INTS9: variants seen among roughly 807,000 people sequenced by gnomAD.
The protein encoded by INTS9 is protein related to CPSF subunits of 74 kDa.
INTS9 carries 55 observed loss-of-function variants against 79.7 expected under a neutral mutation model. The observed-to-expected ratio is 0.69, with a 90% confidence interval of 0.56 to 0.86. The LOEUF (loss-of-function observed/expected upper bound fraction) is 0.86, where lower values mean the gene tolerates loss of function less well. Among genes scored for constraint, INTS9 ranks in the 40% least tolerant of loss-of-function variants. The probability of loss-of-function intolerance (pLI) is 0.00; values close to 1 mark genes in which losing one functional copy is unlikely to be tolerated. For missense variants in INTS9, 721 were observed against 831.5 expected, an observed-to-expected ratio of 0.87 and a Z score of 1.64; for synonymous variants, 319 against 325.2, an observed-to-expected ratio of 0.98 and a Z score of 0.20.
At chr8:28,812,521 A>G (rs1307347169) in intron 7 of INTS9, 60 bp from the exon 8 acceptor site, 1 of 1,546,834 alleles carries the variant, frequency 6.5e-7, no homozygotes, top group African/African-American at 1.4e-5. Context: ...ACATGAGGTA[A>G]TTCTGCAGGG....
chr8:28,768,082 G>T lies in INTS9; in HGVS notation c.*64C>A. 6.7e-7 allele frequency: 1 copy of T among 1,485,094 alleles called. No individual in the cohort carries two copies. The highest frequency in any genetic ancestry group is 9.4e-7 in the Non-Finnish European group (1 of 1,067,484). 92.0% of individuals were successfully genotyped at this position (1,485,094 alleles called of 1,614,324 possible). A position where few individuals can be genotyped will look rare whatever the true frequency, so the allele number is the denominator to read the frequency against. On this transcript the variant is annotated 3_prime_UTR_variant, in exon 17 of 17. Coordinates refer to ENST00000521022, the MANE Select transcript of INTS9 (RefSeq NM_018250.4). ...AATGGCCTCTCATGCCACTCCTCAG[G>T]TGGCTTGTGAGGGCAGCCAGTGAGG...
At chr8:28,775,405 C>T (rs558681316) in intron 14 of INTS9, among the ~76,000 whole-genome samples, 24 of 152,012 alleles carry the variant, frequency 1.6e-4, no homozygotes, top group Non-Finnish European at 2.2e-4. Context: ...GGTGTGATCT[C>T]GGCTCACTGC....
intron 6 of INTS9, among the ~76,000 whole-genome samples, chr8:28,822,830 T>C (rs771327587): frequency 8.5e-5 from 13 of 152,232 alleles, no homozygotes; most frequent in Non-Finnish European, 1.8e-4. Flanking sequence ...TTCTACCAAA[T>C]AGTTTTAGAT....
intron 13 of INTS9, among the ~76,000 whole-genome samples, chr8:28,776,429 T>A (rs1417262874): frequency 1.1e-5 from 1 of 87,298 alleles, no homozygotes; most frequent in African/African-American, 4.0e-5. Flanking sequence ...GAGGCAGAGT[T>A]TTTTTTTTTT....
At chr8:28,786,728 CT>C (rs915061062) in intron 11 of INTS9, among the ~76,000 whole-genome samples, 2 of 151,718 alleles carry the variant, frequency 1.3e-5, no homozygotes, top group African/African-American at 4.8e-5. Context: ...TTCTTTTTTT[CT>C]TTTTTTGAGA....
chr8:28,794,579 C>T (rs1804095817), intron 9 of INTS9, among the ~76,000 whole-genome samples: 1 of 152,166 alleles, frequency 6.6e-6, no homozygotes, highest in South Asian at 2.1e-4. Flanking sequence ...GCTCAAGAGC[C>T]TGTCTCAAAT....
At position 28,769,977 on chromosome 8, in the gene INTS9, AC is replaced by A; in HGVS notation, c.1711del (p.Val571Ter). 6.2e-7 allele frequency: 1 copy of A among 1,614,118 alleles called. No individual in the cohort carries two copies. The highest frequency in any genetic ancestry group is 1.3e-5 in the African/African-American group (1 of 75,038). On this transcript the variant is annotated frameshift_variant, in exon 16 of 17. Transcript: ENST00000521022. LOFTEE classifies it high-confidence loss of function. ...TTTGCAGTCTGGTACGTCATCGCTC[AC>A]CCGCTTTCTCTTCTTCCCGCTCGTG... ...QPTSGKKRKR[V>X]SDDVPDCKVL...
Position 28,884,168 on chromosome 8 carries a change from C to CTTTTTTT in INTS9, c.9+5699_9+5705dup, listed in dbSNP as rs35799882. ...TACCAAAAGTCTGTCATCAGTGTATCTTTTTTTTTTTTTTTTTTTTTTTTT... is the reference window on the plus strand; with the variant it reads ...TACCAAAAGTCTGTCATCAGTGTATCTTTTTTTTTTTTTTTTTTTTTTTTTTTTTTTT... On this transcript the variant is annotated intron_variant, in intron 1 of 16. Coordinates refer to ENST00000521022, the MANE Select transcript of INTS9 (RefSeq NM_018250.4). Among the ~76,000 whole-genome samples, 26 of 46,976 alleles carry CTTTTTTT rather than the reference C, an allele frequency of 5.5e-4. 1 individual carries two copies. The highest frequency in any genetic ancestry group is 1.5e-3 in the South Asian group (1 of 688). 30.8% of individuals were successfully genotyped at this position (46,976 alleles called of 152,430 possible).
At chr8:28,784,341 T>A (rs1257238164) in intron 11 of INTS9, among the ~76,000 whole-genome samples, 1 of 152,224 alleles carries the variant, frequency 6.6e-6, no homozygotes. Flanking sequence ...AAAACAGACA[T>A]TCAAGAGCAA....
intron 8 of INTS9, among the ~76,000 whole-genome samples, chr8:28,804,434 A>G (rs767379946): frequency 4.1e-4 from 62 of 152,162 alleles, no homozygotes; most frequent in Non-Finnish European, 7.8e-4. Context: ...TCCGTATTAC[A>G]GTTGGCAGAT....
chr8:28,806,970 A>T (rs1437554752), intron 8 of INTS9, among the ~76,000 whole-genome samples: 1 of 152,190 alleles, frequency 6.6e-6, no homozygotes, highest in Non-Finnish European at 1.5e-5. Flanking sequence ...GTAAAGAAGG[A>T]AGGAAGGAGA....
At chr8:28,783,679 ATCT>A (rs1383556799) in intron 11 of INTS9, 2 of 152,240 alleles carry the variant, frequency 1.3e-5, no homozygotes, top group Non-Finnish European at 2.9e-5. Flanking sequence ...TGTCCTGGAG[ATCT>A]TCATCAGCTG....
chr8:28,799,079 G>C, intron 8 of INTS9, among the ~76,000 whole-genome samples: 1 of 152,098 alleles, frequency 6.6e-6, no homozygotes, highest in East Asian at 1.9e-4. Flanking sequence ...GGTGGATCAC[G>C]AGGTCAGGCG....
intron 15 of INTS9, among the ~76,000 whole-genome samples, chr8:28,770,362 G>A (rs566741776): frequency 3.2e-4 from 49 of 152,326 alleles, no homozygotes; most frequent in African/African-American, 1.2e-3. Flanking sequence ...TCATGACCCC[G>A]TGGCTGGGCA....
chr8:28,857,261 A>G (rs116748955), intron 2 of INTS9, among the ~76,000 whole-genome samples: 2,877 of 152,314 alleles, frequency 0.019, 85 homozygotes, highest in African/African-American at 0.064. Flanking sequence ...AATTAGAGGA[A>G]AACACATCTC....
chr8:28,788,011 A>T (rs1585353637), intron 10 of INTS9, 122 bp from the exon 11 acceptor site: 1 of 517,680 alleles, frequency 1.9e-6, no homozygotes, highest in Admixed American at 3.1e-5. Flanking sequence ...CCCGCCAGTG[A>T]ATTTCACTGT....
intron 11 of INTS9, among the ~76,000 whole-genome samples, chr8:28,785,165 A>G (rs941235819): frequency 2.6e-5 from 4 of 152,232 alleles, no homozygotes; most frequent in South Asian, 2.1e-4. Flanking sequence ...AGTTAGTCCA[A>G]TTACTGGTGA....
intron 1 of INTS9, among the ~76,000 whole-genome samples, chr8:28,878,008 C>T (rs912465445): frequency 6.6e-6 from 1 of 152,070 alleles, no homozygotes; most frequent in South Asian, 2.1e-4. Context: ...ACCAAAAGAA[C>T]TGGGATCTTG....
At chr8:28,844,332 G>A (rs1052205705) in intron 4 of INTS9, among the ~76,000 whole-genome samples, 1 of 152,090 alleles carries the variant, frequency 6.6e-6, no homozygotes, top group Non-Finnish European at 1.5e-5. Context: ...CTTGAGCTCA[G>A]GAGTTCAAGA....
Sources: gnomAD v4.1 joint callset for allele counts (sites outside exome capture counted in the v4.1 genomes callset) on GRCh38, gnomAD v4.1.1 for gene constraint, MANE v1.5 for transcripts, NCBI Gene and HGNC (gene_info 2026-07-23, HGNC 2026-07-21) for gene names.